Variants in AKIRIN2 observed in about 807,000 individuals in gnomAD.
AKIRIN2 encodes the protein akirin 2, also known as akirin-2.
In AKIRIN2, 6 loss-of-function variants were observed where a neutral mutation model predicts 29.3. That is an observed-to-expected ratio of 0.20 (90% CI 0.11 to 0.40). The LOEUF (loss-of-function observed/expected upper bound fraction) is 0.40, where lower values mean the gene tolerates loss of function less well. Ranked by LOEUF, AKIRIN2 falls within the 10% of genes least tolerant of loss-of-function variation. The pLI, the probability that AKIRIN2 is intolerant of heterozygous loss-of-function variation, is 1.00. For missense variants in AKIRIN2, 210 were observed against 276.1 expected, an observed-to-expected ratio of 0.76 and a Z score of 1.70; for synonymous variants, 128 against 117.5, an observed-to-expected ratio of 1.09 and a Z score of -0.58.
chr6:87,684,437 G>A (rs1185613940), intron 1 of AKIRIN2, among the ~76,000 whole-genome samples: 2 of 152,114 alleles, frequency 1.3e-5, no homozygotes, highest in East Asian at 3.8e-4. Flanking sequence ...GTTCTGACAA[G>A]TACATACATA....
In AKIRIN2 at chr6:87,701,471, C is replaced by T. The variant is rs763503097; in HGVS notation, c.214G>A (p.Val72Ile). 3.2e-5 allele frequency: 48 copies of T among 1,518,912 alleles called. No homozygotes were observed. Among genetic ancestry groups the T allele is most frequent in the Non-Finnish European group, 1.8e-5 (21 of 1,136,938 alleles). 94.1% of individuals were successfully genotyped at this position (1,518,912 alleles called of 1,614,324 possible). Residue 72 changes from valine (V) to isoleucine (I), a missense_variant, in exon 1 of 5, where the codon GTC becomes ATC. Physicochemically the swap from Val to Ile is conservative, Grantham distance 29. Transcript: ENST00000257787. ...LRMEPSPFGD[V>I]SSRLTTEQIL... is the part of the protein sequence containing the mutation. ...CCACCTGTGGTGAGGCGGGAGGAGA[C>T]GTCGCCGAAGGGGGATGGCTCCATT...
At chr6:87,687,224 T>C (rs1237800129) in intron 1 of AKIRIN2, among the ~76,000 whole-genome samples, 1 of 146,384 alleles carries the variant, frequency 6.8e-6, no homozygotes, top group Admixed American at 7.0e-5. Flanking sequence ...TACTAGATAC[T>C]GTCATGACTA....
chr6:87,688,459 A>T (rs1220821619), intron 1 of AKIRIN2, among the ~76,000 whole-genome samples: 4 of 152,064 alleles, frequency 2.6e-5, no homozygotes, highest in Middle Eastern at 3.2e-3. Context: ...AATAAAAAAA[A>T]AAAATGCCAG....
intron 1 of AKIRIN2, among the ~76,000 whole-genome samples, chr6:87,687,923 T>C (rs571032689): frequency 1.3e-5 from 2 of 152,028 alleles, no homozygotes; most frequent in Admixed American, 6.6e-5. Context: ...AGGCCCGGAG[T>C]TGGAGACGAG....
chr6:87,699,306 T>A (rs994318743), intron 1 of AKIRIN2, among the ~76,000 whole-genome samples: 1 of 152,156 alleles, frequency 6.6e-6, no homozygotes, highest in African/African-American at 2.4e-5. Context: ...ATACCCCAAA[T>A]TGGCCATATA....
At chr6:87,697,973 T>G (rs1037795079) in intron 1 of AKIRIN2, among the ~76,000 whole-genome samples, 19 of 152,228 alleles carry the variant, frequency 1.2e-4, no homozygotes, top group Admixed American at 4.6e-4. Flanking sequence ...ATTGACGGTC[T>G]CTTATAATGT....
At chr6:87,688,320 C>T (rs1771224279) in intron 1 of AKIRIN2, among the ~76,000 whole-genome samples, 1 of 152,066 alleles carries the variant, frequency 6.6e-6, no homozygotes, top group Non-Finnish European at 1.5e-5. Context: ...TTAGTAGAGA[C>T]AGAGTTTCAC....
intron 1 of AKIRIN2, among the ~76,000 whole-genome samples, chr6:87,689,917 T>C (rs1771252093): frequency 6.6e-6 from 1 of 152,168 alleles, no homozygotes; most frequent in Non-Finnish European, 1.5e-5. Context: ...CTGCTTAAAA[T>C]AACAACTCTC....
At chr6:87,679,498 AAAAAC>A (rs148553544) in intron 2 of AKIRIN2, among the ~76,000 whole-genome samples, 58 of 152,306 alleles carry the variant, frequency 3.8e-4, no homozygotes, top group African/African-American at 1.3e-3. Flanking sequence ...ACCCTGTCTC[AAAAAC>A]AAAACAAAAC....
chr6:87,676,000 C>G, intron 3 of AKIRIN2, 69 bp from the exon 4 acceptor site: 1 of 1,278,096 alleles, frequency 7.8e-7, no homozygotes, highest in South Asian at 1.3e-5. Context: ...ACTGAAAACA[C>G]AAAATATACA....
chr6:87,674,863 C>T lies in AKIRIN2; in HGVS notation c.*734G>A, dbSNP rs140668547. ...TTCACTGATTCCTGGAAAATGCTTA[C>T]GTTTTAAAACACCAACTTTATTCAA... On this transcript the variant is annotated 3_prime_UTR_variant, in exon 5 of 5. Transcript: ENST00000257787. 3.7e-4 allele frequency among the ~76,000 whole-genome samples: 56 copies of T among 151,730 alleles called. No homozygotes were observed. The East Asian group carries it at 9.1e-3, about 25-fold the overall frequency.
chr6:87,701,775 C>T lies in AKIRIN2; in HGVS notation c.-91G>A. ...AGGGAAGGGGTGAAGAGCGGGAACT[C>T]GAGGAGAGCCTACCCGACGGGCTCA... On this transcript the variant is annotated 5_prime_UTR_variant, in exon 1 of 5. Coordinates refer to ENST00000257787, the MANE Select transcript of AKIRIN2 (RefSeq NM_018064.4). 1 of 945,228 alleles carries T rather than the reference C, an allele frequency of 1.1e-6. No individual in the cohort carries two copies. The highest frequency in any genetic ancestry group is 1.4e-6 in the Non-Finnish European group (1 of 690,290). The allele number at this position is 945,228 out of a possible 1,614,324, so 58.6% of individuals were successfully genotyped here.
intron 1 of AKIRIN2, among the ~76,000 whole-genome samples, chr6:87,693,221 T>C (rs1007968582): frequency 1.3e-5 from 2 of 151,614 alleles, no homozygotes; most frequent in Non-Finnish European, 2.9e-5. Flanking sequence ...AGAGTGAGAC[T>C]CCATCTCAAA....
At chr6:87,701,410 T>C (rs191092888) in intron 1 of AKIRIN2, 40 bp downstream of exon 1, 146 of 1,528,792 alleles carry the variant, frequency 9.6e-5, no homozygotes, top group Middle Eastern at 4.5e-4. Flanking sequence ...CTGTTCCCAG[T>C]TCTCTCCACT....
rs1770941651 is a variant in AKIRIN2, at chr6:87,675,030, A to G, written c.*567T>C. ...AATGCAGCAATAAACATTTGTTAAA[A>G]AGACTGATAGAATAAATAAAACTAC... On this transcript the variant is annotated 3_prime_UTR_variant, in exon 5 of 5. Coordinates refer to ENST00000257787, the MANE Select transcript of AKIRIN2 (RefSeq NM_018064.4). The G allele has an allele frequency of 6.6e-6, 1 of 151,594 alleles. No homozygotes were observed. The highest frequency in any genetic ancestry group is 2.4e-5 in the African/African-American group (1 of 40,950). The allele number at this position is 151,594 out of a possible 1,614,324, so 9.4% of individuals were successfully genotyped here. A position where few individuals can be genotyped will look rare whatever the true frequency, so the allele number is the denominator to read the frequency against.
At chr6:87,688,004 G>A (rs937321630) in intron 1 of AKIRIN2, among the ~76,000 whole-genome samples, 5 of 152,092 alleles carry the variant, frequency 3.3e-5, no homozygotes, top group African/African-American at 1.2e-4. Context: ...GCGGTGGCTT[G>A]CCCTTTAGTC....
rs188730211 is a variant in AKIRIN2, at chr6:87,695,519, C to G, written c.235+5931G>C. On this transcript the variant is annotated intron_variant, in intron 1 of 4. Transcript: ENST00000257787. ...CCTTTTTAAAAGCAGGCGGTGCTCT[C>G]AAAGGCAAGAAATTCCCTGTAGTTT... 1.6e-3 allele frequency among the ~76,000 whole-genome samples: 241 copies of G among 152,272 alleles called. 3 individuals carry two copies. Among genetic ancestry groups the G allele is most frequent in the Admixed American group, 6.6e-3 (101 of 15,288 alleles).
At position 87,701,566 on chromosome 6, in the gene AKIRIN2, G is replaced by C; in HGVS notation, c.119C>G (p.Pro40Arg). 5 of 1,414,704 alleles carry C rather than the reference G, an allele frequency of 3.5e-6. No individual in the cohort carries two copies. Among genetic ancestry groups the C allele is most frequent in the Non-Finnish European group, 4.6e-6 (5 of 1,085,476 alleles). The allele number at this position is 1,414,704 out of a possible 1,614,324, so 87.6% of individuals were successfully genotyped here. A position where few individuals can be genotyped will look rare whatever the true frequency, so the allele number is the denominator to read the frequency against. ...LSAPTSAAAS[P>R]LSAAAATAAS... ...GGCGGTGGCCGCGGCCGCCGACAAC[G>C]GGGAGGCAGCGGCCGAGGTGGGCGC... The change falls in exon 1 of 5, where the codon CCG (proline) becomes CGG (arginine). Residue 40 changes from proline (P) to arginine (R), a missense_variant. Pro to Arg is a moderately radical substitution (Grantham distance 103). Around this residue, in one of 2 missense-constraint regions of AKIRIN2, gnomAD observed 199 missense variants for 236.5 expected, o/e 0.84. Transcript: ENST00000257787.
In AKIRIN2 at chr6:87,701,527, G is replaced by A. The variant is rs1771465388; in HGVS notation, c.158C>T (p.Ala53Val). The A allele has an allele frequency of 3.5e-6, 5 of 1,444,638 alleles. No individual in the cohort carries two copies. The highest frequency in any genetic ancestry group is 4.5e-6 in the Non-Finnish European group (5 of 1,099,440). 89.5% of individuals were successfully genotyped at this position (1,444,638 alleles called of 1,614,324 possible). A position where few individuals can be genotyped will look rare whatever the true frequency, so the allele number is the denominator to read the frequency against. ...ATACTTCTGCGGCGAGGCGGCCGCA[G>A]CGGAGAAGGAGGCGGCGGTGGCCGC... is the stretch of plus-strand genomic sequence containing the variant. ...AAAATAASFS[A>V]AAASPQKYLR... is the part of the protein sequence containing the mutation. Residue 53 changes from alanine to valine, a missense_variant, in exon 1 of 5, where the codon GCT becomes GTT. Physicochemically the swap from Ala to Val is moderately conservative, Grantham distance 64. Around this residue, in one of 2 missense-constraint regions of AKIRIN2, gnomAD observed 199 missense variants for 236.5 expected, o/e 0.84. Coordinates refer to ENST00000257787, the MANE Select transcript of AKIRIN2 (RefSeq NM_018064.4).
Sources: allele counts gnomAD v4.1 joint callset (sites outside exome capture counted in the v4.1 genomes callset), GRCh38; gene constraint gnomAD v4.1.1; regional missense constraint gnomAD v4.1.1; transcripts MANE v1.5; gene names NCBI Gene and HGNC (gene_info 2026-07-23, HGNC 2026-07-21).